Variants in TULP4 observed in about 807,000 individuals in gnomAD.
The protein encoded by TULP4 is tubby-related protein 4.
In TULP4, 16 loss-of-function variants were observed where a neutral mutation model predicts 129.0. The ratio of observed to expected loss-of-function variants is 0.12; its 90% CI spans 0.08 to 0.19. The LOEUF (loss-of-function observed/expected upper bound fraction) is 0.19, where lower values mean the gene tolerates loss of function less well. Ranked by LOEUF, TULP4 falls within the 10% of genes least tolerant of loss-of-function variation. TULP4 has a pLI of 1.00. For synonymous variants in TULP4, 998 were observed against 854.0 expected, an observed-to-expected ratio of 1.17 and a Z score of -2.94; for missense variants, 1,842 against 2,059.1, an observed-to-expected ratio of 0.89 and a Z score of 2.04.
chr6:158,273,724 G>A (rs147498205), intron 1 of TULP4, among the ~76,000 whole-genome samples: 162 of 152,262 alleles, frequency 1.1e-3, no homozygotes, highest in African/African-American at 1.6e-3. Flanking sequence ...AATATTACAC[G>A]AATTAACACA....
chr6:158,383,127 GCT>G, intron 1 of TULP4, among the ~76,000 whole-genome samples: 1 of 152,276 alleles, frequency 6.6e-6, no homozygotes, highest in African/African-American at 2.4e-5. Context: ...AGACCATTCT[GCT>G]GTGCATCCTC....
chr6:158,426,577 G>A (rs1202840565), intron 2 of TULP4, among the ~76,000 whole-genome samples: 1 of 152,118 alleles, frequency 6.6e-6, no homozygotes, highest in African/African-American at 2.4e-5. Context: ...CCATTGGTCT[G>A]TGTGTCGTTT....
intron 1 of TULP4, among the ~76,000 whole-genome samples, chr6:158,282,565 T>TA (rs936653144): frequency 6.6e-6 from 1 of 151,268 alleles, no homozygotes; most frequent in Non-Finnish European, 1.5e-5. Context: ...TGATTTGAGG[T>TA]AATGCTAGTT....
rs56169846 is a variant in TULP4 at position 158,508,505 on chromosome 6, CCAGTTT to C, written c.*1813_*1818del. The C allele has an allele frequency of 0.11, 17,358 of 152,430 alleles. 1,128 individuals are homozygous for C. Among genetic ancestry groups the C allele is most frequent in the Non-Finnish European group, 0.14 (9,550 of 67,964 alleles). 9.4% of individuals were successfully genotyped at this position (152,430 alleles called of 1,614,324 possible). A position where few individuals can be genotyped will look rare whatever the true frequency, so the allele number is the denominator to read the frequency against. On this transcript the variant is annotated 3_prime_UTR_variant, in exon 14 of 14. Coordinates refer to ENST00000367097, the MANE Select transcript of TULP4 (RefSeq NM_020245.5). ...GGCAAAGGATATTTCCCATCTAATA[CCAGTTT>C]CTCATTTATATTTAACGTATTGGAC...
chr6:158,425,256 G>A (rs961719715), intron 2 of TULP4, among the ~76,000 whole-genome samples: 1 of 150,190 alleles, frequency 6.7e-6, no homozygotes, highest in African/African-American at 2.4e-5. Flanking sequence ...GCTCACACAT[G>A]TAATCCCAGC....
At chr6:158,492,260 T>C (rs1780233487) in intron 9 of TULP4, among the ~76,000 whole-genome samples, 1 of 152,242 alleles carries the variant, frequency 6.6e-6, no homozygotes, top group Admixed American at 6.5e-5. Context: ...TTCTGTGTCC[T>C]GTTCGGGATG....
At position 158,493,456 on chromosome 6, in the gene TULP4, G is replaced by A; in HGVS notation, c.1632-117G>A. On this transcript the variant is annotated intron_variant, in intron 9 of 13. Coordinates refer to ENST00000367097, the MANE Select transcript of TULP4 (RefSeq NM_020245.5). This position sits in a 1 kb window ranked among gnomAD's most constrained non-coding sequence, Gnocchi z 4.4. The stretch of plus-strand genomic sequence containing the variant: ...TTGTTAAATTCGGGCACTGGCTGCA[G>A]GGTGAGAACCCAACACCCAGGCTGG... 8.7e-7 allele frequency: 1 copy of A among 1,143,516 alleles called. No individual in the cohort carries two copies. The highest frequency in any genetic ancestry group is 1.2e-6 in the Non-Finnish European group (1 of 864,710). The allele number at this position is 1,143,516 out of a possible 1,614,324, so 70.8% of individuals were successfully genotyped here.
In TULP4 at chr6:158,436,407, T is replaced by C. The variant is rs559383185; in HGVS notation, c.543+6510T>C. ...CTTGAAGGGAGGTTAATGGTTCTCC[T>C]GAAATACAGGTACAGGTATACTTCA... is the stretch of plus-strand genomic sequence containing the variant. On this transcript the variant is annotated intron_variant, in intron 3 of 13. Coordinates refer to ENST00000367097, the MANE Select transcript of TULP4 (RefSeq NM_020245.5). Among the ~76,000 whole-genome samples the C allele has an allele frequency of 1.2e-4, 19 of 152,380 alleles. No individual in the cohort carries two copies. The East Asian group carries it at 3.5e-3, about 28-fold the overall frequency.
intron 5 of TULP4, among the ~76,000 whole-genome samples, chr6:158,453,506 A>AAAAAAAAAAAAAAAC: frequency 7.1e-6 from 1 of 140,024 alleles, no homozygotes; most frequent in Non-Finnish European, 1.5e-5. Flanking sequence ...AAAAAAAAAA[A>AAAAAAAAAAAAAAAC]AAAGCCGGGC....
chr6:158,238,119 G>C (rs1265062414), intron 1 of TULP4: 5 of 737,220 alleles, frequency 6.8e-6, no homozygotes, highest in South Asian at 4.2e-5. Context: ...CACCATGCCT[G>C]GTTTCTGCTT....
At chr6:158,392,547 G>C (rs537231122) in intron 1 of TULP4, among the ~76,000 whole-genome samples, 1 of 152,070 alleles carries the variant, frequency 6.6e-6, no homozygotes, top group Non-Finnish European at 1.5e-5. Flanking sequence ...GCCATAGCTC[G>C]ACCATAGTGT....
Position 158,501,992 on chromosome 6 carries a change from C to G in TULP4, c.2329C>G (p.Pro777Ala). 1 of 1,613,734 alleles carries G rather than the reference C, an allele frequency of 6.2e-7. No individual in the cohort carries two copies. ...GAACCCCCCTCCACTGTCCCTGCCT[C>G]CCCCGCCGCAGGGGCCCATGCAGCT... ...IQNPPPLSLPPPPQGPMQLST... is the reference protein window; with the variant it reads ...IQNPPPLSLPAPPQGPMQLST... The change falls in exon 13 of 14, where the codon CCC (proline) becomes GCC (alanine). Residue 777 changes from proline to alanine, a missense_variant. By Grantham distance (27) the Pro-to-Ala change is conservative. Transcript: ENST00000367097.
intron 5 of TULP4, among the ~76,000 whole-genome samples, chr6:158,460,194 G>A (rs534739217): frequency 7.9e-5 from 12 of 152,316 alleles, no homozygotes; most frequent in East Asian, 1.9e-4. Flanking sequence ...TTCAAGAGAC[G>A]TGAAAGAGCT....
chr6:158,350,778 T>A (rs1376049654), intron 1 of TULP4, among the ~76,000 whole-genome samples: 6 of 143,280 alleles, frequency 4.2e-5, no homozygotes, highest in African/African-American at 1.6e-4. Flanking sequence ...TTTTTTTTTT[T>A]AAAGAAGAGT....
chr6:158,508,281 A>G lies in TULP4; in HGVS notation c.*1587A>G, dbSNP rs1335761376. On this transcript the variant is annotated 3_prime_UTR_variant, in exon 14 of 14. Transcript: ENST00000367097. Reference sequence around the variant, plus strand: ...AACTATCTGCTGGCGTTGGGTTCCAAATTTGCATTTTATTTGGAAACAGAC... The same window carrying G: ...AACTATCTGCTGGCGTTGGGTTCCAGATTTGCATTTTATTTGGAAACAGAC... 6.6e-6 allele frequency: 1 copy of G among 152,156 alleles called. No homozygotes were observed. The highest frequency in any genetic ancestry group is 1.9e-4 in the East Asian group (1 of 5,196). The allele number at this position is 152,156 out of a possible 1,614,324, so 9.4% of individuals were successfully genotyped here.
intron 1 of TULP4, among the ~76,000 whole-genome samples, chr6:158,328,172 GAGGAGC>G (rs1779793369): frequency 6.6e-6 from 1 of 150,988 alleles, no homozygotes; most frequent in Non-Finnish European, 1.5e-5. Flanking sequence ...ATGAAAGTTG[GAGGAGC>G]AGGAGGAGGG....
chr6:158,378,170 A>G (rs1777235184), intron 1 of TULP4, among the ~76,000 whole-genome samples: 2 of 152,158 alleles, frequency 1.3e-5, no homozygotes, highest in Admixed American at 1.3e-4. Context: ...GAACTGGCAC[A>G]TCCTCTCTTC....
At chr6:158,315,106 C>T (rs1742313701) in intron 1 of TULP4, among the ~76,000 whole-genome samples, 1 of 152,146 alleles carries the variant, frequency 6.6e-6, no homozygotes, top group East Asian at 1.9e-4. Context: ...TTAAAAATGT[C>T]ATTAAATGGT....
intron 1 of TULP4, among the ~76,000 whole-genome samples, chr6:158,365,085 A>G (rs576755838): frequency 4.6e-5 from 7 of 151,790 alleles, no homozygotes; most frequent in Non-Finnish European, 8.8e-5. Context: ...GCGAGCTTTC[A>G]GAATTGAGAT....
Sources: gnomAD v4.1 joint callset for allele counts (sites outside exome capture counted in the v4.1 genomes callset) on GRCh38, gnomAD v4.1.1 for gene constraint, Gnocchi (gnomAD v3.1) non-coding constraint, MANE v1.5 for transcripts, NCBI Gene and HGNC (gene_info 2026-07-23, HGNC 2026-07-21) for gene names.